The following PTPN12 variants were observed in gnomAD, a reference collection of about 807,000 sequenced individuals.
PTPN12 encodes the protein tyrosine-protein phosphatase non-receptor type 12.
Under a neutral mutation model 97.6 loss-of-function variants are expected in PTPN12, and 29 were observed. The ratio of observed to expected loss-of-function variants is 0.30; its 90% CI spans 0.22 to 0.41. The LOEUF (loss-of-function observed/expected upper bound fraction) is 0.41, where lower values mean the gene tolerates loss of function less well. Among genes scored for constraint, PTPN12 ranks in the 10% least tolerant of loss-of-function variants. PTPN12 has a pLI of 1.00. For synonymous variants in PTPN12, 327 were observed against 300.4 expected (o/e 1.09, Z -0.91); for missense variants, 819 against 926.0 (o/e 0.88, Z 1.50).
chr7:77,594,482 G>A (rs1285081138), intron 6 of PTPN12, among the ~76,000 whole-genome samples: 1 of 152,050 alleles, frequency 6.6e-6, no homozygotes, highest in African/African-American at 2.4e-5. Context: ...TGGTTGTTTT[G>A]GACATTTGTA....
chr7:77,579,079 A>G (rs1202051116), intron 2 of PTPN12, among the ~76,000 whole-genome samples: 2 of 152,188 alleles, frequency 1.3e-5, no homozygotes, highest in Admixed American at 6.5e-5. Context: ...AATCAATCAG[A>G]GAAACTTTTT....
At chr7:77,633,769 T>C (rs925810886) in intron 14 of PTPN12, among the ~76,000 whole-genome samples, 3 of 152,102 alleles carry the variant, frequency 2.0e-5, no homozygotes, top group Admixed American at 2.0e-4. Context: ...ATACCTGTAA[T>C]CGCAGCACTT....
At chr7:77,592,003 A>C (rs1787881833) in intron 5 of PTPN12, among the ~76,000 whole-genome samples, 182 bp from the exon 6 acceptor site, 1 of 152,180 alleles carries the variant, frequency 6.6e-6, no homozygotes, top group Non-Finnish European at 1.5e-5. Flanking sequence ...TGGAGAAGAC[A>C]CAGTAGCCTA....
In PTPN12 at chr7:77,639,242, C is replaced by T. The variant is rs1465620953; in HGVS notation, c.2305C>T (p.Pro769Ser). The change falls in exon 18 of 18, where the codon CCC becomes TCC. Residue 769 changes from proline (P) to serine (S), a missense_variant. Physicochemically the swap from Pro to Ser is moderately conservative, Grantham distance 74. This residue lies in a region of PTPN12 where 607 missense variants were observed against 577.3 expected (regional missense o/e 1.05). Transcript: ENST00000248594. Reference protein sequence around the residue: ...DIGFGNRCGKPKGPRDPPSEW... With the variant: ...DIGFGNRCGKSKGPRDPPSEW... ...AGGTTTTGGTAATCGATGTGGAAAA[C>T]CCAAAGGACCAAGAGATCCACCTTC... 6.2e-7 allele frequency: 1 copy of T among 1,612,606 alleles called. No individual in the cohort carries two copies. The highest frequency in any genetic ancestry group is 8.5e-7 in the Non-Finnish European group (1 of 1,179,266).
At chr7:77,546,829 G>A (rs925632532) in intron 1 of PTPN12, among the ~76,000 whole-genome samples, 1 of 152,196 alleles carries the variant, frequency 6.6e-6, no homozygotes, top group Non-Finnish European at 1.5e-5. Context: ...GTGGCAGGAA[G>A]GAGAATGAAC....
At chr7:77,553,088 A>G (rs1043637070) in intron 1 of PTPN12, among the ~76,000 whole-genome samples, 2 of 152,164 alleles carry the variant, frequency 1.3e-5, no homozygotes, top group Non-Finnish European at 2.9e-5. Flanking sequence ...GAGCATCCCT[A>G]ATCTGAAGTT....
At chr7:77,632,288 C>G in intron 13 of PTPN12, 60 bp from the exon 14 acceptor site, 1 of 1,232,224 alleles carries the variant, frequency 8.1e-7, no homozygotes. Context: ...GTCAAGAAAG[C>G]TCTCTGATTT....
intron 9 of PTPN12, 46 bp downstream of exon 9, chr7:77,607,347 A>G (rs1172108181): frequency 1.5e-6 from 2 of 1,313,978 alleles, no homozygotes; most frequent in African/African-American, 2.9e-5. Context: ...ATCTATTATG[A>G]TTTTCAAACT....
Position 77,639,461 on chromosome 7 carries a change from G to A in PTPN12, c.*181G>A. ...ACACTTAGGAAAAAGTATTACATAT[G>A]GTTTATTTTGAAACTTCAAGTATTA... On this transcript the variant is annotated 3_prime_UTR_variant, in exon 18 of 18. Transcript: ENST00000248594. 1 of 526,500 alleles carries A rather than the reference G, an allele frequency of 1.9e-6. No individual in the cohort carries two copies. The highest frequency in any genetic ancestry group is 3.3e-6 in the Non-Finnish European group (1 of 299,188). The allele number at this position is 526,500 out of a possible 1,614,324, so 32.6% of individuals were successfully genotyped here. A position where few individuals can be genotyped will look rare whatever the true frequency, so the allele number is the denominator to read the frequency against.
At chr7:77,633,535 G>A (rs963521953) in intron 14 of PTPN12, among the ~76,000 whole-genome samples, 19 of 151,836 alleles carry the variant, frequency 1.3e-4, no homozygotes, top group African/African-American at 3.6e-4. Flanking sequence ...CTTGAACCCC[G>A]GAGGCAGAGG....
chr7:77,629,582 CA>C (rs1374926089), intron 13 of PTPN12, among the ~76,000 whole-genome samples: 3 of 151,038 alleles, frequency 2.0e-5, no homozygotes, highest in Non-Finnish European at 2.9e-5. Context: ...ACCAAAAAAC[CA>C]TTACTGGAAA....
chr7:77,601,033 G>C, intron 8 of PTPN12: 1 of 454,044 alleles, frequency 2.2e-6, no homozygotes, highest in Non-Finnish European at 3.9e-6. Context: ...TATTCACATG[G>C]TGGGAAGCTA....
chr7:77,567,092 T>G (rs931966966), intron 1 of PTPN12, among the ~76,000 whole-genome samples: 3 of 151,910 alleles, frequency 2.0e-5, no homozygotes, highest in African/African-American at 7.3e-5. Context: ...GGTCGGGAAG[T>G]TAAAATGAAA....
At chr7:77,564,746 G>T (rs1309969611) in intron 1 of PTPN12, among the ~76,000 whole-genome samples, 129 of 45,398 alleles carry the variant, frequency 2.8e-3, no homozygotes, top group East Asian at 3.2e-3. Context: ...TTGTTGTCGT[G>T]TTTTTTTTTT....
At chr7:77,602,160 T>G (rs1788211734) in intron 8 of PTPN12, among the ~76,000 whole-genome samples, 2 of 151,894 alleles carry the variant, frequency 1.3e-5, no homozygotes, top group Non-Finnish European at 2.9e-5. Context: ...TGTTTATTCT[T>G]GGGGGGCAGT....
chr7:77,553,029 G>A (rs938313877), intron 1 of PTPN12, among the ~76,000 whole-genome samples: 5 of 152,180 alleles, frequency 3.3e-5, no homozygotes. Flanking sequence ...TGGTGACAGA[G>A]ACAGAAAGAA....
intron 1 of PTPN12, among the ~76,000 whole-genome samples, chr7:77,568,696 G>T (rs1808354985): frequency 6.6e-6 from 1 of 152,060 alleles, no homozygotes; most frequent in Non-Finnish European, 1.5e-5. Flanking sequence ...ATTGTACCAG[G>T]CATTCCTGAG....
At chr7:77,590,835 A>G (rs1787844313) in intron 5 of PTPN12, among the ~76,000 whole-genome samples, 2 of 151,770 alleles carry the variant, frequency 1.3e-5, no homozygotes. Flanking sequence ...AAGTGCTGGG[A>G]TTATAGGCAT....
intron 1 of PTPN12, among the ~76,000 whole-genome samples, chr7:77,548,994 T>C (rs189180842): frequency 7.2e-5 from 11 of 152,364 alleles, no homozygotes; most frequent in Admixed American, 7.2e-4. Flanking sequence ...ATGTGCTGAA[T>C]AAAGACATCC....
Sources: allele counts gnomAD v4.1 joint callset (sites outside exome capture counted in the v4.1 genomes callset), GRCh38; gene constraint gnomAD v4.1.1; regional missense constraint gnomAD v4.1.1; transcripts MANE v1.5; gene names NCBI Gene and HGNC (gene_info 2026-07-23, HGNC 2026-07-21).